Variants in DSG1 observed in about 807,000 individuals in gnomAD.
DSG1 encodes the protein desmoglein 1.
DSG1 carries 39 observed loss-of-function variants against 97.5 expected under a neutral mutation model. The ratio of observed to expected loss-of-function variants is 0.40; its 90% CI spans 0.31 to 0.52. The LOEUF (loss-of-function observed/expected upper bound fraction) is 0.52. DSG1 is among the 20% of genes least tolerant of loss of function. DSG1 has a pLI of 0.53. For missense variants in DSG1, 1,311 were observed against 1,295.4 expected (o/e 1.01, Z -0.18); for synonymous variants, 475 against 443.4 (o/e 1.07, Z -0.90).
chr18:31,333,708 C>T lies in DSG1; in HGVS notation c.804C>T (p.Tyr268=), dbSNP rs534042917. 9 of 1,613,544 alleles carry T rather than the reference C, an allele frequency of 5.6e-6. No homozygotes were observed. Among genetic ancestry groups the T allele is most frequent in the Non-Finnish European group, 6.8e-6 (8 of 1,179,656 alleles). Residue 268 remains tyrosine (Y), a synonymous_variant, in exon 7 of 15, where the codon TAC becomes TAT. Coordinates refer to ENST00000257192, the MANE Select transcript of DSG1 (RefSeq NM_001942.4). The part of the protein sequence containing the change: ...KILDVNDNIP[Y]MEQSSYTIEI... ...TCGATGTCAATGATAATATCCCTTA[C>T]ATGGAACAGTCTTCAGTAAGTATTT...
intron 1 of DSG1, among the ~76,000 whole-genome samples, chr18:31,319,146 T>C (rs2071638312): frequency 6.6e-6 from 1 of 152,230 alleles, no homozygotes; most frequent in Admixed American, 6.5e-5. Context: ...TTTCTTGCTG[T>C]AGAGATAATA....
At chr18:31,350,567 G>A (rs1339205873) in intron 14 of DSG1, among the ~76,000 whole-genome samples, 1 of 149,312 alleles carries the variant, frequency 6.7e-6, no homozygotes, top group Non-Finnish European at 1.5e-5. Flanking sequence ...TTGTACCTCT[G>A]GTAGAATTCG....
At chr18:31,345,510 C>G (rs1401485936) in intron 13 of DSG1, 1 of 169,054 alleles carries the variant, frequency 5.9e-6, no homozygotes, top group Non-Finnish European at 1.3e-5. Context: ...CTCCTCACAT[C>G]CAAGTGCAAA....
intron 1 of DSG1, among the ~76,000 whole-genome samples, chr18:31,321,877 A>T (rs1302751083): frequency 6.6e-6 from 1 of 152,194 alleles, no homozygotes; most frequent in Non-Finnish European, 1.5e-5. Context: ...GTGTCCTAAT[A>T]GACATTGCCT....
At chr18:31,345,861 A>G (rs1313301417) in intron 13 of DSG1, 129 bp from the exon 14 acceptor site, 2 of 688,978 alleles carry the variant, frequency 2.9e-6, no homozygotes, top group East Asian at 2.7e-5. Flanking sequence ...TTCTTTATGT[A>G]TTATCTTTTT....
At chr18:31,337,241 T>TTTTG (rs200888063) in intron 9 of DSG1, among the ~76,000 whole-genome samples, 7 of 151,878 alleles carry the variant, frequency 4.6e-5, no homozygotes, top group African/African-American at 9.7e-5. Context: ...TTTGGGGGTT[T>TTTTG]TTTGTTTGTT....
rs9946771 is a variant in DSG1, at chr18:31,338,665, C to T, written c.1405+211C>T. 0.18 allele frequency among the ~76,000 whole-genome samples: 27,782 copies of T among 152,034 alleles called. 4,526 individuals are homozygous for T. The highest frequency in any genetic ancestry group is 0.44 in the African/African-American group (18,240 of 41,434). On this transcript the variant is annotated intron_variant, in intron 10 of 14. Coordinates refer to ENST00000257192, the MANE Select transcript of DSG1 (RefSeq NM_001942.4). ...GAAATGAGACTAGATTTGTGTCTTC[C>T]ACCATCACTTACTAGCTATAGAATC...
At chr18:31,325,584 A>C (rs974884221) in intron 1 of DSG1, among the ~76,000 whole-genome samples, 7 of 152,126 alleles carry the variant, frequency 4.6e-5, no homozygotes, top group African/African-American at 1.7e-4. Flanking sequence ...ACATGTTTTA[A>C]AATTTGGGCC....
chr18:31,333,535 A>C (rs2071733135), intron 6 of DSG1, 54 bp from the exon 7 acceptor site: 5 of 1,611,548 alleles, frequency 3.1e-6, no homozygotes, highest in Non-Finnish European at 3.4e-6. Flanking sequence ...TACATAAGAC[A>C]AAGTAAAGGC....
intron 8 of DSG1, among the ~76,000 whole-genome samples, chr18:31,335,930 A>G (rs2071749072): frequency 6.6e-6 from 1 of 151,642 alleles, no homozygotes; most frequent in Non-Finnish European, 1.5e-5. Context: ...GTTCTTATGG[A>G]TAAAACCACT....
In DSG1 at chr18:31,355,995, G is replaced by T. The variant is rs1269726751; in HGVS notation, c.*649G>T. 6.5e-6 allele frequency: 1 copy of T among 153,194 alleles called. No individual in the cohort carries two copies. Among genetic ancestry groups the T allele is most frequent in the Non-Finnish European group, 1.5e-5 (1 of 68,860 alleles). The allele number at this position is 153,194 out of a possible 1,614,324, so 9.5% of individuals were successfully genotyped here. A position where few individuals can be genotyped will look rare whatever the true frequency, so the allele number is the denominator to read the frequency against. On this transcript the variant is annotated 3_prime_UTR_variant, in exon 15 of 15. Transcript: ENST00000257192. ...GGTTTCTTCAGGGTAAACTAGCAAT[G>T]CCTGAGCCTGAACCTTAATGTGGGG...
rs545933315 is a variant in DSG1, at chr18:31,352,617, T to A, written c.2101-1680T>A. ...CACTTTTAGGTACACCAATCAGACG[T>A]AGATTTGGTCTTTTCACATAGTCCC... On this transcript the variant is annotated intron_variant, in intron 14 of 14. Transcript: ENST00000257192. Among the ~76,000 whole-genome samples the A allele has an allele frequency of 2.7e-4, 41 of 149,838 alleles. 1 individual carries two copies. In the South Asian group the frequency reaches 8.5e-3, roughly 31 times the overall value.
At chr18:31,336,750 T>C (rs1269748891) in intron 9 of DSG1, 137 bp downstream of exon 9, 1 of 923,890 alleles carries the variant, frequency 1.1e-6, no homozygotes, top group African/African-American at 1.7e-5. Context: ...AAAAGTACTA[T>C]AAACTGTGCA....
intron 1 of DSG1, among the ~76,000 whole-genome samples, chr18:31,320,340 A>G (rs1265299650): frequency 6.6e-6 from 1 of 152,230 alleles, no homozygotes; most frequent in African/African-American, 2.4e-5. Flanking sequence ...CTCAAAGTCA[A>G]TAAGCGGGAA....
At chr18:31,320,483 G>A (rs1302656331) in intron 1 of DSG1, among the ~76,000 whole-genome samples, 1 of 152,172 alleles carries the variant, frequency 6.6e-6, no homozygotes, top group Non-Finnish European at 1.5e-5. Context: ...TCATCTCAAT[G>A]CATCTGAAGG....
At chr18:31,337,905 G>T (rs1405124363) in intron 9 of DSG1, among the ~76,000 whole-genome samples, 1 of 152,210 alleles carries the variant, frequency 6.6e-6, no homozygotes, top group East Asian at 1.9e-4. Context: ...CAGGGGGGAA[G>T]TTCAGGCCAA....
Position 31,355,309 on chromosome 18 carries a change from G to A in DSG1, c.3113G>A (p.Arg1038Gln), listed in dbSNP as rs370813362. 1.3e-5 allele frequency: 21 copies of A among 1,614,034 alleles called. No individual in the cohort carries two copies. The highest frequency in any genetic ancestry group is 4.5e-5 in the East Asian group (2 of 44,890). ...GSASPSTARS[R>Q]ITKYSTVQYS... ...GCCTCCCCTAGCACAGCTCGAAGTC[G>A]AATCACAAAGTATAGTACCGTGCAA... The change falls in exon 15 of 15, where the codon CGA (arginine) becomes CAA (glutamine). Residue 1038 changes from arginine to glutamine, a missense_variant. By Grantham distance (43) the Arg-to-Gln change is conservative. Coordinates refer to ENST00000257192, the MANE Select transcript of DSG1 (RefSeq NM_001942.4).
At chr18:31,345,032 G>A (rs1267465883) in intron 13 of DSG1, among the ~76,000 whole-genome samples, 1 of 152,144 alleles carries the variant, frequency 6.6e-6, no homozygotes, top group Non-Finnish European at 1.5e-5. Context: ...CACCTCAAAA[G>A]CAGAATCTCA....
In DSG1 at chr18:31,336,585, G is replaced by C; in HGVS notation, c.1237G>C (p.Asp413His). The C allele has an allele frequency of 6.2e-7, 1 of 1,613,948 alleles. No individual in the cohort carries two copies. Among genetic ancestry groups the C allele is most frequent in the Non-Finnish European group, 8.5e-7 (1 of 1,179,914 alleles). Residue 413 changes from aspartate to histidine, a missense_variant, in exon 9 of 15, where the codon GAC (aspartate) becomes CAC (histidine). Asp to His is a moderately conservative substitution (Grantham distance 81). Coordinates refer to ENST00000257192, the MANE Select transcript of DSG1 (RefSeq NM_001942.4). ...KVGDFVATDLDTGRPSTTVRY... is the reference protein window; with the variant it reads ...KVGDFVATDLHTGRPSTTVRY... ...GGGAGACTTTGTAGCTACTGACCTG[G>C]ACACAGGTAGACCTTCAACGACTGT...
Sources: allele counts gnomAD v4.1 joint callset (sites outside exome capture counted in the v4.1 genomes callset), GRCh38; gene constraint gnomAD v4.1.1; transcripts MANE v1.5; gene names NCBI Gene and HGNC (gene_info 2026-07-23, HGNC 2026-07-21).